The following UTP15 variants were observed in gnomAD, a reference collection of about 807,000 sequenced individuals.
UTP15 encodes the protein U3 small nucleolar RNA-associated protein 15 homolog.
UTP15 carries 5 observed loss-of-function variants against 59.1 expected under a neutral mutation model. The observed-to-expected ratio is 0.08, with a 90% confidence interval of 0.04 to 0.18. The LOEUF (loss-of-function observed/expected upper bound fraction) is 0.18. Among genes scored for constraint, UTP15 ranks in the 10% least tolerant of loss-of-function variants. The pLI is 1.00. For synonymous variants in UTP15, 211 were observed against 212.2 expected (o/e 0.99, Z 0.05); for missense variants, 494 against 616.7 (o/e 0.80, Z 2.11).
intron 7 of UTP15, among the ~76,000 whole-genome samples, chr5:73,573,906 A>C (rs1748013712): frequency 6.6e-6 from 1 of 152,118 alleles, no homozygotes; most frequent in East Asian, 1.9e-4. Context: ...ATTTAGCCTA[A>C]TATCTAATGT....
Position 73,578,003 on chromosome 5 carries a change from C to G in UTP15, c.1042C>G (p.Arg348Gly). 6.3e-7 allele frequency: 1 copy of G among 1,582,564 alleles called. No homozygotes were observed. Among genetic ancestry groups the G allele is most frequent in the South Asian group, 1.2e-5 (1 of 85,664 alleles). The change falls in exon 9 of 13, where the codon CGG becomes GGG. Residue 348 changes from arginine (R) to glycine (G), a missense_variant and splice_region_variant. By Grantham distance (125) the Arg-to-Gly change is moderately radical. Coordinates refer to ENST00000296792, the MANE Select transcript of UTP15 (RefSeq NM_032175.4). ...TAAAGGAAAAAATTACATGAAGCAA[C>G]GGGTATTTGTGCATTTCTCATATTT... ...FIKGKNYMKQ[R>G]DDILINRPAK... is the part of the protein sequence containing the mutation.
intron 7 of UTP15, 43 bp from the exon 8 acceptor site, chr5:73,576,909 C>T (rs768810108): frequency 5.0e-6 from 7 of 1,386,684 alleles, no homozygotes; most frequent in Middle Eastern, 3.8e-4. Context: ...ATTTTATACT[C>T]GTTTTCAAGG....
At chr5:73,572,355 C>T in intron 6 of UTP15, 134 bp from the exon 7 acceptor site, 1 of 1,128,818 alleles carries the variant, frequency 8.9e-7, no homozygotes, top group South Asian at 1.5e-5. Flanking sequence ...CAGGATTTTA[C>T]CAGGCAGCCT....
chr5:73,567,555 A>T, intron 2 of UTP15, 121 bp downstream of exon 2: 1 of 666,620 alleles, frequency 1.5e-6, no homozygotes, highest in South Asian at 3.1e-5. Flanking sequence ...TCAGCAGCTT[A>T]TAGTTTGGGC....
chr5:73,568,668 G>T, intron 4 of UTP15, 64 bp downstream of exon 4: 13 of 1,456,178 alleles, frequency 8.9e-6, no homozygotes, highest in Non-Finnish European at 1.2e-5. Flanking sequence ...TTTTTCTCTG[G>T]ACTTTGGTTA....
chr5:73,579,019 C>G lies in UTP15; in HGVS notation c.1149C>G (p.Pro383=). 1.9e-6 allele frequency: 3 copies of G among 1,608,784 alleles called. No individual in the cohort carries two copies. The highest frequency in any genetic ancestry group is 2.6e-6 in the Non-Finnish European group (3 of 1,176,428). Residue 383 remains proline, a splice_region_variant and synonymous_variant, in exon 11 of 13, where the codon CCC becomes CCG. Coordinates refer to ENST00000296792, the MANE Select transcript of UTP15 (RefSeq NM_032175.4). The part of the protein sequence containing the change: ...ISKALDRVLD[P]TCTIKTPEIT... ...GTTGACTTTGAAAATTTTTCTAGCC[C>G]ACTTGTACAATAAAGACACCCGAGA...
In UTP15 at chr5:73,580,934, A is replaced by G. The variant is rs1408919904; in HGVS notation, c.*840A>G. On this transcript the variant is annotated 3_prime_UTR_variant, in exon 13 of 13. Coordinates refer to ENST00000296792, the MANE Select transcript of UTP15 (RefSeq NM_032175.4). ...CTGAAAACTGTTTTCTCTGATTTGT[A>G]TTTAGATTCCTCCCCCCATTATTCA... The G allele has an allele frequency of 6.6e-6, 1 of 152,088 alleles. No individual in the cohort carries two copies. The highest frequency in any genetic ancestry group is 1.9e-4 in the East Asian group (1 of 5,190). 9.4% of individuals were successfully genotyped at this position (152,088 alleles called of 1,614,324 possible). A position where few individuals can be genotyped will look rare whatever the true frequency, so the allele number is the denominator to read the frequency against.
intron 1 of UTP15, 132 bp from the exon 2 acceptor site, chr5:73,567,130 T>A (rs944375577): frequency 7.0e-6 from 2 of 285,250 alleles, no homozygotes; most frequent in Admixed American, 5.2e-5. Context: ...GATTGCCTTT[T>A]CTGGGTTAGA....
rs755260524 is a variant in UTP15, at chr5:73,569,665, C to T, written c.537C>T (p.Leu179=). The T allele has an allele frequency of 2.5e-6, 4 of 1,605,166 alleles. No homozygotes were observed. The highest frequency in any genetic ancestry group is 2.6e-6 in the Non-Finnish European group (3 of 1,175,876). The change falls in exon 5 of 13, where the codon CTC becomes CTT. Residue 179 remains leucine, a synonymous_variant. Transcript: ENST00000296792. Reference sequence around the variant, plus strand: ...GTGCTAGCAAACTTAATCCGGATCTCTTTATAACAGGTTGGTGAACTCTAT... The same window carrying T: ...GTGCTAGCAAACTTAATCCGGATCTTTTTATAACAGGTTGGTGAACTCTAT... The part of the protein sequence containing the change: ...CGCASKLNPD[L]FITGSYDHTV...
chr5:73,571,662 G>A (rs1396307936), intron 6 of UTP15, among the ~76,000 whole-genome samples: 1 of 151,458 alleles, frequency 6.6e-6, no homozygotes, highest in African/African-American at 2.4e-5. Context: ...GAGGCGGGAT[G>A]TGGTTGCTCA....
intron 6 of UTP15, among the ~76,000 whole-genome samples, chr5:73,571,711 G>A (rs560449214): frequency 3.3e-5 from 5 of 152,040 alleles, no homozygotes; most frequent in South Asian, 2.1e-4. Context: ...TGAGGCAGGC[G>A]GATAGCTTGA....
At position 73,580,958 on chromosome 5, in the gene UTP15, C is replaced by T. The variant is rs1748284744; in HGVS notation, c.*864C>T. On this transcript the variant is annotated 3_prime_UTR_variant, in exon 13 of 13. Transcript: ENST00000296792. ...TATTTAGATTCCTCCCCCCATTATTCACAATCATATTGTATTTCGGAACCC... is the reference window on the plus strand; with the variant it reads ...TATTTAGATTCCTCCCCCCATTATTTACAATCATATTGTATTTCGGAACCC... The T allele has an allele frequency of 6.6e-6, 1 of 152,060 alleles. No homozygotes were observed. Among genetic ancestry groups the T allele is most frequent in the East Asian group, 1.9e-4 (1 of 5,192 alleles). 9.4% of individuals were successfully genotyped at this position (152,060 alleles called of 1,614,324 possible). A position where few individuals can be genotyped will look rare whatever the true frequency, so the allele number is the denominator to read the frequency against.
intron 12 of UTP15, 64 bp from the exon 13 acceptor site, chr5:73,579,813 T>C: frequency 2.7e-6 from 3 of 1,107,092 alleles, no homozygotes; most frequent in Non-Finnish European, 3.8e-6. Flanking sequence ...TTAAAAACTT[T>C]TGCTTTTCAC....
At position 73,580,190 on chromosome 5, in the gene UTP15, C is replaced by T; in HGVS notation, c.*96C>T. The T allele has an allele frequency of 9.1e-7, 1 of 1,100,324 alleles. No individual in the cohort carries two copies. The highest frequency in any genetic ancestry group is 1.7e-5 in the South Asian group (1 of 59,076). 68.2% of individuals were successfully genotyped at this position (1,100,324 alleles called of 1,614,324 possible). The stretch of plus-strand genomic sequence containing the variant: ...GACTCTCTTTGATACATTAAAAAAA[C>T]TGTTTGCAGAAGCAGTTCTGTGGAA... On this transcript the variant is annotated 3_prime_UTR_variant, in exon 13 of 13. Transcript: ENST00000296792.
intron 7 of UTP15, among the ~76,000 whole-genome samples, chr5:73,575,136 A>G (rs6453011): frequency 0.058 from 8,797 of 152,298 alleles, 895 homozygotes; most frequent in African/African-American, 0.2. Context: ...AACCTGCCAT[A>G]AGAAGGATTG....
In UTP15 at chr5:73,578,743, C is replaced by T; in HGVS notation, c.1045-8C>T. 2 of 1,611,786 alleles carry T rather than the reference C, an allele frequency of 1.2e-6. No homozygotes were observed. Among genetic ancestry groups the T allele is most frequent in the Non-Finnish European group, 8.5e-7 (1 of 1,178,102 alleles). The stretch of plus-strand genomic sequence containing the variant: ...TTTCCTTCTCTATAAATGTACTTTT[C>T]ATTGCAGGATGACATTTTGATTAAC... On this transcript the variant is annotated splice_region_variant and splice_polypyrimidine_tract_variant and intron_variant, in intron 9 of 12. Transcript: ENST00000296792.
chr5:73,577,074 C>T lies in UTP15; in HGVS notation c.894+38C>T, dbSNP rs1023227992. 4 of 1,450,792 alleles carry T rather than the reference C, an allele frequency of 2.8e-6. No homozygotes were observed. In the African/African-American group the frequency reaches 4.3e-5, roughly 16 times the overall value. The allele number at this position is 1,450,792 out of a possible 1,614,324, so 89.9% of individuals were successfully genotyped here. ...ACCTATTTTTAAGTCTGTCACTAAC[C>T]CTGCCTGTTAAATGAAACTAAAATG... On this transcript the variant is annotated intron_variant, in intron 8 of 12. Coordinates refer to ENST00000296792, the MANE Select transcript of UTP15 (RefSeq NM_032175.4).
chr5:73,579,748 A>G (rs1433640289), intron 12 of UTP15, 129 bp from the exon 13 acceptor site: 1 of 511,928 alleles, frequency 2.0e-6, no homozygotes, highest in Non-Finnish European at 3.3e-6. Context: ...TCATTAATTA[A>G]TTATAAAATA....
chr5:73,579,440 A>C (rs1328508353), intron 12 of UTP15, 65 bp downstream of exon 12: 4 of 1,274,514 alleles, frequency 3.1e-6, no homozygotes, highest in Admixed American at 2.3e-5. Flanking sequence ...CAAATAATCA[A>C]ATTTGGAAAT....
Sources: gnomAD v4.1 joint callset for allele counts (sites outside exome capture counted in the v4.1 genomes callset) on GRCh38, gnomAD v4.1.1 for gene constraint, MANE v1.5 for transcripts, NCBI Gene and HGNC (gene_info 2026-07-23, HGNC 2026-07-21) for gene names.